Variants in YLPM1 observed in about 807,000 individuals in gnomAD.
The protein encoded by YLPM1 is YLP motif-containing protein 1.
A neutral mutation model predicts 230.0 loss-of-function variants in YLPM1; 99 were observed. The observed-to-expected ratio is 0.43, with a 90% CI of 0.37 to 0.51. YLPM1 has a LOEUF of 0.51. Among genes scored for constraint, YLPM1 ranks in the 20% least tolerant of loss-of-function variants. YLPM1 has a pLI of 0.00. For synonymous variants in YLPM1, 984 were observed against 942.5 expected (o/e 1.04, Z -0.81); for missense variants, 2,592 against 2,707.7 (o/e 0.96, Z 0.95).
rs2140110273 is a variant in YLPM1, at chr14:74,798,663, G to A, written c.3366G>A (p.Arg1122=). The A allele has an allele frequency of 6.2e-7, 1 of 1,612,042 alleles. No individual in the cohort carries two copies. Among genetic ancestry groups the A allele is most frequent in the Non-Finnish European group, 8.5e-7 (1 of 1,178,726 alleles). Residue 1122 remains arginine (R), a synonymous_variant, in exon 5 of 21, where the codon AGG becomes AGA. Coordinates refer to ENST00000325680, the MANE Select transcript of YLPM1 (RefSeq NM_019589.3). ...CTCGGAGGGCTGGCAGTCAGGAGAG[G>A]GGACCTCTTCGAAGGGCTGGGAGTA... ...GPPRRAGSQE[R]GPLRRAGSRE...
chr14:74,763,625 T>G lies in YLPM1; in HGVS notation c.136T>G (p.Ser46Ala), dbSNP rs1390580810. Residue 46 changes from serine (S) to alanine (A), a missense_variant, in exon 1 of 21, where the codon TCC becomes GCC. By Grantham distance (99) the Ser-to-Ala change is moderately conservative. Coordinates refer to ENST00000325680, the MANE Select transcript of YLPM1 (RefSeq NM_019589.3). The stretch of plus-strand genomic sequence containing the variant: ...GAGCTCGACGACTCCCGCGGCCCCC[T>G]CCTCCTCGGGCTTCATGAGCTTCCG... The part of the protein sequence containing the change: ...YSSSTTPAAP[S>A]SSGFMSFREQ... 1.3e-6 allele frequency: 2 copies of G among 1,585,502 alleles called. No homozygotes were observed. Among genetic ancestry groups the G allele is most frequent in the African/African-American group, 2.8e-5 (2 of 72,242 alleles).
intron 8 of YLPM1, 78 bp from the exon 9 acceptor site, chr14:74,810,147 T>C: frequency 1.3e-6 from 2 of 1,529,758 alleles, no homozygotes; most frequent in South Asian, 2.5e-5. Context: ...TTATACCAGC[T>C]CTGAAGTTAG....
chr14:74,770,049 G>C (rs1459174611), intron 1 of YLPM1, among the ~76,000 whole-genome samples: 2 of 151,918 alleles, frequency 1.3e-5, no homozygotes, highest in Non-Finnish European at 2.9e-5. Context: ...GGGCGTGGTG[G>C]TGGGCGCCTG....
At chr14:74,804,673 G>A (rs923212964) in intron 6 of YLPM1, among the ~76,000 whole-genome samples, 1 of 152,098 alleles carries the variant, frequency 6.6e-6, no homozygotes, top group African/African-American at 2.4e-5. Flanking sequence ...GTAACATCTT[G>A]TACTAGTCTT....
chr14:74,797,443 T>G, intron 4 of YLPM1, 137 bp from the exon 5 acceptor site: 5 of 729,650 alleles, frequency 6.9e-6, no homozygotes, highest in Non-Finnish European at 1.1e-5. Context: ...TATTGGTGAC[T>G]CAGGATTAAT....
intron 1 of YLPM1, among the ~76,000 whole-genome samples, chr14:74,773,331 T>C (rs1430723875): frequency 1.3e-5 from 2 of 151,966 alleles, no homozygotes; most frequent in Non-Finnish European, 2.9e-5. Context: ...ATACTGTCAG[T>C]GAATCAACAA....
rs1263251030 is a variant in YLPM1, at chr14:74,788,720, G to A, written c.2282+6395G>A. Among the ~76,000 whole-genome samples the A allele has an allele frequency of 2.6e-5, 4 of 152,112 alleles. No individual in the cohort carries two copies. In the East Asian group the frequency reaches 7.7e-4, roughly 29 times the overall value. Reference sequence around the variant, plus strand: ...TAGCCAGGCTTGGTGGCATGTGCCTGTGGTCCCAGTTATGTGGGAGGCTGA... The same window carrying A: ...TAGCCAGGCTTGGTGGCATGTGCCTATGGTCCCAGTTATGTGGGAGGCTGA... On this transcript the variant is annotated intron_variant, in intron 4 of 20. Transcript: ENST00000325680.
chr14:74,791,971 C>A (rs530490980), intron 4 of YLPM1, among the ~76,000 whole-genome samples: 3 of 152,086 alleles, frequency 2.0e-5, no homozygotes, highest in Admixed American at 1.3e-4. Flanking sequence ...AGATAGTCTT[C>A]TTTTATCACT....
intron 6 of YLPM1, among the ~76,000 whole-genome samples, 198 bp from the exon 7 acceptor site, chr14:74,809,182 A>G (rs1317272184): frequency 6.6e-6 from 1 of 151,706 alleles, no homozygotes; most frequent in Non-Finnish European, 1.5e-5. Context: ...TTTATCAAAT[A>G]TAAGATTTGC....
chr14:74,828,097 T>C lies in YLPM1; in HGVS notation c.6164-1116T>C, dbSNP rs1459308607. 3 of 774,230 alleles carry C rather than the reference T, an allele frequency of 3.9e-6. No homozygotes were observed. In the African/African-American group the frequency reaches 5.7e-5, roughly 15 times the overall value. 48.0% of individuals were successfully genotyped at this position (774,230 alleles called of 1,614,324 possible). ...TACTGGTTTTTAAAGCTTGTAACAG[T>C]TGTGTGTAAAACTTTTATATTTGAA... On this transcript the variant is annotated intron_variant, in intron 18 of 20. Transcript: ENST00000325680.
intron 19 of YLPM1, among the ~76,000 whole-genome samples, chr14:74,832,826 A>G (rs1050784894): frequency 6.6e-6 from 1 of 152,170 alleles, no homozygotes; most frequent in African/African-American, 2.4e-5. Context: ...TACTCATTTC[A>G]AAAACACCTA....
intron 11 of YLPM1, among the ~76,000 whole-genome samples, chr14:74,814,266 C>T (rs1268158939): frequency 6.6e-6 from 1 of 152,158 alleles, no homozygotes; most frequent in Non-Finnish European, 1.5e-5. Context: ...GAGGCTAAGG[C>T]AGGAGAATGG....
intron 17 of YLPM1, chr14:74,821,533 T>C (rs1194217435): frequency 1.3e-5 from 2 of 153,872 alleles, no homozygotes; most frequent in African/African-American, 4.8e-5. Context: ...TTTGAGTTTC[T>C]GTCAACAGAG....
intron 5 of YLPM1, 126 bp downstream of exon 5, chr14:74,799,823 A>AT (rs1293765758): frequency 8.0e-6 from 11 of 1,377,658 alleles, no homozygotes; most frequent in Non-Finnish European, 1.0e-5. Context: ...CTTTTAATTT[A>AT]TATTTCTGGT....
At chr14:74,796,426 C>T (rs2091261706) in intron 4 of YLPM1, among the ~76,000 whole-genome samples, 1 of 152,218 alleles carries the variant, frequency 6.6e-6, no homozygotes, top group Non-Finnish European at 1.5e-5. Flanking sequence ...CCAACTCATT[C>T]TGTCAGCTTG....
At chr14:74,805,345 A>G (rs139665050) in intron 6 of YLPM1, among the ~76,000 whole-genome samples, 4 of 151,326 alleles carry the variant, frequency 2.6e-5, no homozygotes, top group African/African-American at 9.7e-5. Context: ...AGTAAGTTTT[A>G]TGTTTTTGTT....
chr14:74,819,722 G>T (rs1361632466), intron 16 of YLPM1, among the ~76,000 whole-genome samples: 1 of 151,964 alleles, frequency 6.6e-6, no homozygotes, highest in Non-Finnish European at 1.5e-5. Context: ...GATTAATTTT[G>T]TAGCCACATG....
At chr14:74,833,464 G>C (rs541440484) in intron 19 of YLPM1, among the ~76,000 whole-genome samples, 1 of 152,240 alleles carries the variant, frequency 6.6e-6, no homozygotes, top group Admixed American at 6.5e-5. Flanking sequence ...TGTTGCCCAG[G>C]CTGGTCTTGA....
chr14:74,780,951 G>A (rs189128382), intron 3 of YLPM1, among the ~76,000 whole-genome samples: 4 of 152,266 alleles, frequency 2.6e-5, no homozygotes, highest in African/African-American at 7.2e-5. Flanking sequence ...CAAATATACC[G>A]TAAAAGATAA....
Sources: allele counts gnomAD v4.1 joint callset (sites outside exome capture counted in the v4.1 genomes callset), GRCh38; gene constraint gnomAD v4.1.1; transcripts MANE v1.5; gene names NCBI Gene and HGNC (gene_info 2026-07-23, HGNC 2026-07-21).